Variants in NLRP3 observed in about 807,000 individuals in gnomAD.
The protein encoded by NLRP3 is NACHT, LRR and PYD domains-containing protein 3.
Under a neutral mutation model 91.3 loss-of-function variants are expected in NLRP3, and 48 were observed. The ratio of observed to expected loss-of-function variants is 0.53; its 90% CI spans 0.42 to 0.67. The LOEUF (loss-of-function observed/expected upper bound fraction) is 0.67. Among genes scored for constraint, NLRP3 ranks in the 30% least tolerant of loss-of-function variants. NLRP3 has a pLI of 0.00. For missense variants in NLRP3, 982 were observed against 1,276.9 expected (o/e 0.77, Z 3.52); for synonymous variants, 561 against 507.9 (o/e 1.10, Z -1.41).
intron 3 of NLRP3, 41 bp from the exon 4 acceptor site, chr1:247,423,806 T>G: frequency 6.4e-7 from 1 of 1,561,780 alleles, no homozygotes; most frequent in Non-Finnish European, 8.8e-7. Context: ...CTCAGGTGGA[T>G]GTGTGTATAC....
chr1:247,425,293 A>T lies in NLRP3; in HGVS notation c.1844A>T (p.Lys615Ile). 1 of 1,614,200 alleles carries T rather than the reference A, an allele frequency of 6.2e-7. No individual in the cohort carries two copies. The highest frequency in any genetic ancestry group is 8.5e-7 in the Non-Finnish European group (1 of 1,180,038). ...ELLKWIEVKA[K>I]AKKLQIQPSQ... ...CTGAAATGGATTGAAGTGAAAGCCA[A>T]AGCTAAAAAGCTGCAGATCCAGCCC... is the stretch of plus-strand genomic sequence containing the variant. The change falls in exon 4 of 10, where the codon AAA (lysine) becomes ATA (isoleucine). Residue 615 changes from lysine (K) to isoleucine (I), a missense_variant. Around this residue, in one of 5 missense-constraint regions of NLRP3, gnomAD observed 32 missense variants for 60.3 expected, o/e 0.53. Coordinates refer to ENST00000336119, the MANE Select transcript of NLRP3 (RefSeq NM_001243133.2). The surrounding 1 kb of genome is among the most constrained non-coding windows in gnomAD (Gnocchi z 4.1).
intron 7 of NLRP3, among the ~76,000 whole-genome samples, chr1:247,439,603 G>A (rs529237816): frequency 5.9e-5 from 9 of 152,206 alleles, no homozygotes; most frequent in South Asian, 4.1e-4. Flanking sequence ...TTCAGTAACC[G>A]TATCACCAAA....
intron 6 of NLRP3, among the ~76,000 whole-genome samples, chr1:247,434,574 G>T (rs573742564): frequency 2.8e-4 from 43 of 152,298 alleles, no homozygotes; most frequent in African/African-American, 1.0e-3. Context: ...CTTTAGAGGA[G>T]TTTTAGAACT....
rs1469560197 is a variant in NLRP3, at chr1:247,418,721, T to C, written c.-80T>C. ...TCAAAGTGGAGACTTTAAAAAAGACTCATCCGTGTGCCGTGTTCACTGCCT... is the reference window on the plus strand; with the variant it reads ...TCAAAGTGGAGACTTTAAAAAAGACCCATCCGTGTGCCGTGTTCACTGCCT... On this transcript the variant is annotated 5_prime_UTR_variant, in exon 2 of 10. Transcript: ENST00000336119. The C allele has an allele frequency of 5.2e-6, 8 of 1,540,068 alleles. No individual in the cohort carries two copies. Among genetic ancestry groups the C allele is most frequent in the Non-Finnish European group, 5.4e-6 (6 of 1,115,856 alleles).
At chr1:247,423,370 T>A in intron 3 of NLRP3, 21 bp downstream of exon 3, 1 of 1,613,634 alleles carries the variant, frequency 6.2e-7, no homozygotes, top group Non-Finnish European at 8.5e-7. Flanking sequence ...GGGGTGGTGC[T>A]TCTAGTTGAG....
chr1:247,437,825 G>A (rs1025486206), intron 7 of NLRP3, among the ~76,000 whole-genome samples: 2 of 152,220 alleles, frequency 1.3e-5, no homozygotes, highest in South Asian at 2.1e-4. Context: ...GTGCCTCTCC[G>A]AGCGGGTGAC....
At chr1:247,431,204 A>C (rs1223529123) in intron 5 of NLRP3, among the ~76,000 whole-genome samples, 1 of 151,844 alleles carries the variant, frequency 6.6e-6, no homozygotes, top group African/African-American at 2.4e-5. Context: ...TAATAATAAT[A>C]ATAATAAAAA....
intron 6 of NLRP3, among the ~76,000 whole-genome samples, chr1:247,434,671 T>C (rs1406128442): frequency 6.6e-6 from 1 of 152,152 alleles, no homozygotes; most frequent in African/African-American, 2.4e-5. Context: ...AGCCCTTCCC[T>C]GAGTGCTTCT....
intron 7 of NLRP3, among the ~76,000 whole-genome samples, chr1:247,443,158 C>CAG (rs1664341806): frequency 6.6e-6 from 1 of 152,070 alleles, no homozygotes. Context: ...CTCCTGACCT[C>CAG]GTGATCCACC....
At chr1:247,442,493 A>G (rs74154645) in intron 7 of NLRP3, among the ~76,000 whole-genome samples, 1 of 152,132 alleles carries the variant, frequency 6.6e-6, no homozygotes, top group Non-Finnish European at 1.5e-5. Context: ...ATAGTACATC[A>G]AAACTCTTAA....
At chr1:247,439,465 C>G (rs1330988494) in intron 7 of NLRP3, among the ~76,000 whole-genome samples, 1 of 152,170 alleles carries the variant, frequency 6.6e-6, no homozygotes, top group Non-Finnish European at 1.5e-5. Context: ...TCTGCCACAC[C>G]ATTGCCTTTA....
At position 247,429,715 on chromosome 1, in the gene NLRP3, G is replaced by A; in HGVS notation, c.2281G>A (p.Glu761Lys). The A allele has an allele frequency of 6.2e-7, 1 of 1,614,116 alleles. No individual in the cohort carries two copies. Among genetic ancestry groups the A allele is most frequent in the Non-Finnish European group, 8.5e-7 (1 of 1,180,008 alleles). ...LGDPGMRVLC[E>K]TLQHPGCNIR... ...GGACCCAGGGATGAGAGTGTTGTGT[G>A]AAACGCTCCAGCATCCTGGCTGTAA... Residue 761 changes from glutamate to lysine, a missense_variant, in exon 5 of 10, where the codon GAA becomes AAA. Physicochemically the swap from Glu to Lys is moderately conservative, Grantham distance 56. Transcript: ENST00000336119.
chr1:247,418,932 A>G lies in NLRP3; in HGVS notation c.132A>G (p.Thr44=), dbSNP rs1484772114. ...KGCIPLPRGQ[T]EKADHVDLAT... is the part of the protein sequence containing the mutation. ...GCATCCCCCTCCCGAGGGGTCAGAC[A>G]GAGAAGGCAGACCATGTGGATCTAG... Residue 44 remains threonine, a synonymous_variant, in exon 2 of 10, where the codon ACA becomes ACG. Coordinates refer to ENST00000336119, the MANE Select transcript of NLRP3 (RefSeq NM_001243133.2). The G allele has an allele frequency of 6.2e-7, 1 of 1,614,180 alleles. No homozygotes were observed. Among genetic ancestry groups the G allele is most frequent in the East Asian group, 2.2e-5 (1 of 44,874 alleles).
chr1:247,424,007 G>A lies in NLRP3; in HGVS notation c.558G>A (p.Leu186=). The part of the protein sequence containing the change: ...RSQQEREQEL[L]AIGKTKTCES... ...AGCAGGAGAGGGAGCAGGAGCTTCT[G>A]GCCATCGGCAAGACCAAGACGTGTG... is the stretch of plus-strand genomic sequence containing the variant. Residue 186 remains leucine (L), a synonymous_variant, in exon 4 of 10, where the codon CTG becomes CTA. Coordinates refer to ENST00000336119, the MANE Select transcript of NLRP3 (RefSeq NM_001243133.2). This position sits in a 1 kb window ranked among gnomAD's most constrained non-coding sequence, Gnocchi z 8.1. 9 of 1,613,990 alleles carry A rather than the reference G, an allele frequency of 5.6e-6. No homozygotes were observed. Among genetic ancestry groups the A allele is most frequent in the Non-Finnish European group, 7.6e-6 (9 of 1,179,986 alleles).
chr1:247,423,809 G>T lies in NLRP3; in HGVS notation c.398-38G>T, dbSNP rs781767686. ...CTGAGAGCGCATCTCAGGTGGATGT[G>T]TGTATACTTTCCCCCTAACTTCCTG... On this transcript the variant is annotated intron_variant, in intron 3 of 9. Transcript: ENST00000336119. 5 of 1,580,034 alleles carry T rather than the reference G, an allele frequency of 3.2e-6. No homozygotes were observed. In the African/African-American group the frequency reaches 6.7e-5, roughly 21 times the overall value.
intron 2 of NLRP3, among the ~76,000 whole-genome samples, chr1:247,420,116 T>C (rs1488626050): frequency 6.6e-6 from 1 of 152,232 alleles, no homozygotes; most frequent in Non-Finnish European, 1.5e-5. Flanking sequence ...TTCTAATGAG[T>C]GTGAGGTGGT....
intron 5 of NLRP3, among the ~76,000 whole-genome samples, chr1:247,431,531 G>C (rs1663327253): frequency 1.3e-5 from 2 of 152,124 alleles, no homozygotes; most frequent in Admixed American, 1.3e-4. Flanking sequence ...GACACGCAGT[G>C]ACCTCCTAGA....
At position 247,418,452 on chromosome 1, in the gene NLRP3, C is replaced by T; in HGVS notation, c.-349C>T. On this transcript the variant is annotated 5_prime_UTR_variant, in exon 2 of 10. Transcript: ENST00000336119. ...GAGTAGCTGGGATTACAGGCGCCCG[C>T]CACCACACCCGGCTCATTTTTGTAC... 2 of 337,792 alleles carry T rather than the reference C, an allele frequency of 5.9e-6. No homozygotes were observed. Among genetic ancestry groups the T allele is most frequent in the Middle Eastern group, 1.1e-3 (1 of 924 alleles). The allele number at this position is 337,792 out of a possible 1,614,324, so 20.9% of individuals were successfully genotyped here.
In NLRP3 at chr1:247,429,844, G is replaced by C; in HGVS notation, c.2321+89G>C. 3 of 1,507,628 alleles carry C rather than the reference G, an allele frequency of 2.0e-6. No homozygotes were observed. The South Asian group carries it at 3.4e-5, about 17-fold the overall frequency. 93.4% of individuals were successfully genotyped at this position (1,507,628 alleles called of 1,614,324 possible). A position where few individuals can be genotyped will look rare whatever the true frequency, so the allele number is the denominator to read the frequency against. ...GACTGGAGAAAGATCTTCAGGACCA[G>C]GTTGCTGGTGTGGTTTCTTTCTTTT... is the stretch of plus-strand genomic sequence containing the variant. On this transcript the variant is annotated intron_variant, in intron 5 of 9. Coordinates refer to ENST00000336119, the MANE Select transcript of NLRP3 (RefSeq NM_001243133.2).
Sources: gnomAD v4.1 joint callset for allele counts (sites outside exome capture counted in the v4.1 genomes callset) on GRCh38, gnomAD v4.1.1 for gene constraint, gnomAD v4.1.1 regional missense constraint, Gnocchi (gnomAD v3.1) non-coding constraint, MANE v1.5 for transcripts, NCBI Gene and HGNC (gene_info 2026-07-23, HGNC 2026-07-21) for gene names.